VPS9D1: variants seen among roughly 807,000 people sequenced by gnomAD.
VPS9D1 encodes the protein VPS9 domain-containing protein 1.
VPS9D1 carries 78 observed loss-of-function variants against 75.8 expected under a neutral mutation model. The observed-to-expected ratio is 1.03, with a 90% confidence interval of 0.86 to 1.24. The LOEUF (loss-of-function observed/expected upper bound fraction) is 1.24, where lower values mean the gene tolerates loss of function less well. Ranked by LOEUF, VPS9D1 falls within the 50% of genes most tolerant of loss-of-function variation. The pLI, the probability that VPS9D1 is intolerant of heterozygous loss-of-function variation, is 0.00. For missense variants in VPS9D1, 1,057 were observed against 847.7 expected (o/e 1.25, Z -3.07); for synonymous variants, 481 against 385.6 (o/e 1.25, Z -2.90).
rs1040678249 is a variant in VPS9D1 at position 89,719,482 on chromosome 16, C to T, written c.100-380G>A. 8 of 401,606 alleles carry T rather than the reference C, an allele frequency of 2.0e-5. No individual in the cohort carries two copies. The East Asian group carries it at 5.6e-4, about 28-fold the overall frequency. The allele number at this position is 401,606 out of a possible 1,614,324, so 24.9% of individuals were successfully genotyped here. ...CATTTTTCATTCTATGCAATGTTTC[C>T]TTCTTGTGCAACTCAAGGGTGATTC... On this transcript the variant is annotated intron_variant, in intron 1 of 14. Transcript: ENST00000389386.
Position 89,716,809 on chromosome 16 carries a change from A to T in VPS9D1, c.189T>A (p.Thr63=), listed in dbSNP as rs1354611469. ...GCATCTTGGAGGTGTCGGGGGGCAC[A>T]GTTTCCCCAGCTTCTGGGGGAGGGA... is the stretch of plus-strand genomic sequence containing the variant. The part of the protein sequence containing the change: ...EVETTKEAGE[T]VPPDTSKMLK... The change falls in exon 3 of 15, where the codon ACT becomes ACA. Residue 63 remains threonine (T), a synonymous_variant. Coordinates refer to ENST00000389386, the MANE Select transcript of VPS9D1 (RefSeq NM_004913.3). The T allele has an allele frequency of 2.5e-6, 4 of 1,592,230 alleles. No homozygotes were observed. Among genetic ancestry groups the T allele is most frequent in the Non-Finnish European group, 2.6e-6 (3 of 1,174,108 alleles).
At chr16:89,717,533 T>C (rs750303390) in intron 2 of VPS9D1, 3 of 456,230 alleles carry the variant, frequency 6.6e-6, no homozygotes, top group Non-Finnish European at 1.3e-5. Flanking sequence ...GACTCGCCCC[T>C]GGACCCACCG....
chr16:89,718,082 T>G (rs1472615294), intron 2 of VPS9D1: 2 of 454,754 alleles, frequency 4.4e-6, no homozygotes, highest in South Asian at 3.1e-5. Context: ...GTGCTCTATG[T>G]CCAGTGGCTC....
chr16:89,720,705 CG>C, intron 1 of VPS9D1, 57 bp downstream of exon 1: 1 of 1,338,314 alleles, frequency 7.5e-7, no homozygotes, highest in Non-Finnish European at 9.6e-7. Flanking sequence ...CCTCCCCGGG[CG>C]GGGGTCCCTC....
Position 89,710,645 on chromosome 16 carries a change from T to A in VPS9D1, c.1199A>T (p.Gln400Leu). Residue 400 changes from glutamine (Q) to leucine (L), a missense_variant, in exon 10 of 15, where the codon CAG becomes CTG. Gln to Leu is a moderately radical substitution (Grantham distance 113). Transcript: ENST00000389386. ...SERQGRGRGV[Q>L]PEPQLQQLKT... ...CAGCTGCTGCAGCTGGGGCTCCGGC[T>A]GTACCCCACGGCCCCGGCCCTGCCG... 1 of 1,611,642 alleles carries A rather than the reference T, an allele frequency of 6.2e-7. No individual in the cohort carries two copies. Among genetic ancestry groups the A allele is most frequent in the Non-Finnish European group, 8.5e-7 (1 of 1,179,182 alleles).
chr16:89,718,714 C>G (rs1188611423), intron 2 of VPS9D1, among the ~76,000 whole-genome samples: 1 of 147,326 alleles, frequency 6.8e-6, no homozygotes, highest in Non-Finnish European at 1.5e-5. Flanking sequence ...TTTTCTTTTT[C>G]TTTTCTTTTT....
chr16:89,710,482 A>G, intron 10 of VPS9D1, 104 bp downstream of exon 10: 1 of 1,281,092 alleles, frequency 7.8e-7, no homozygotes, highest in African/African-American at 1.5e-5. Flanking sequence ...AAGTCTGATC[A>G]GAGTCTCTGA....
chr16:89,712,144 C>T (rs753445935), intron 6 of VPS9D1, 45 bp from the exon 7 acceptor site: 4 of 1,547,526 alleles, frequency 2.6e-6, no homozygotes, highest in African/African-American at 1.4e-5. Context: ...TGAGCGGGCC[C>T]TCGGTTCCCA....
chr16:89,718,233 A>C, intron 2 of VPS9D1: 1 of 377,452 alleles, frequency 2.6e-6, no homozygotes, highest in Non-Finnish European at 5.3e-6. Flanking sequence ...TTCCACCTTC[A>C]GGACGCACCC....
intron 1 of VPS9D1, chr16:89,720,477 C>CG: frequency 9.1e-7 from 1 of 1,101,388 alleles, no homozygotes; most frequent in Non-Finnish European, 1.1e-6. Context: ...GGTGGCCTGG[C>CG]GGACCCTCCT....
intron 13 of VPS9D1, 92 bp downstream of exon 13, chr16:89,708,765 A>G (rs2060847001): frequency 7.5e-7 from 1 of 1,330,698 alleles, no homozygotes; most frequent in Admixed American, 2.7e-5. Flanking sequence ...CAGCTGGCAC[A>G]AGGCTAAGGG....
chr16:89,710,930 C>G lies in VPS9D1; in HGVS notation c.914G>C (p.Arg305Thr). ...VYSALYPAVS[R>T]AAAPAPGCCP... ...GCAGCCTGGGGCTGGCGCGGCTGCTCTGCTCACGGCGGGATACAGGGCGCT... is the reference window on the plus strand; with the variant it reads ...GCAGCCTGGGGCTGGCGCGGCTGCTGTGCTCACGGCGGGATACAGGGCGCT... Residue 305 changes from arginine (R) to threonine (T), a missense_variant, in exon 10 of 15, where the codon AGA becomes ACA. Coordinates refer to ENST00000389386, the MANE Select transcript of VPS9D1 (RefSeq NM_004913.3). The G allele has an allele frequency of 4.0e-6, 6 of 1,483,446 alleles. No individual in the cohort carries two copies. Among genetic ancestry groups the G allele is most frequent in the Non-Finnish European group, 4.5e-6 (5 of 1,122,386 alleles). The allele number at this position is 1,483,446 out of a possible 1,614,324, so 91.9% of individuals were successfully genotyped here.
At chr16:89,716,440 C>T in intron 4 of VPS9D1, 22 bp downstream of exon 4, 1 of 1,613,582 alleles carries the variant, frequency 6.2e-7, no homozygotes, top group South Asian at 1.1e-5. Flanking sequence ...GCTCATCCCA[C>T]CTCCCATCTT....
intron 4 of VPS9D1, among the ~76,000 whole-genome samples, chr16:89,714,471 C>T (rs1163942554): frequency 1.2e-4 from 19 of 152,200 alleles, no homozygotes; most frequent in South Asian, 6.2e-4. Context: ...GCTTTGTTCC[C>T]TCGTACCTTC....
chr16:89,707,811 G>T lies in VPS9D1; in HGVS notation c.*50C>A. ...CATGGCTCCAGGTGTAGGAGAGACAGCCCTGGGAGGCGAGGCCAGGCCCTG... is the reference window on the plus strand; with the variant it reads ...CATGGCTCCAGGTGTAGGAGAGACATCCCTGGGAGGCGAGGCCAGGCCCTG... On this transcript the variant is annotated 3_prime_UTR_variant, in exon 15 of 15. Transcript: ENST00000389386. 2 of 1,550,902 alleles carry T rather than the reference G, an allele frequency of 1.3e-6. No homozygotes were observed. Among genetic ancestry groups the T allele is most frequent in the Non-Finnish European group, 1.8e-6 (2 of 1,125,102 alleles).
At chr16:89,720,314 T>A (rs1193134953) in intron 1 of VPS9D1, 1 of 800,814 alleles carries the variant, frequency 1.2e-6, no homozygotes, top group Admixed American at 6.2e-5. Flanking sequence ...CGGCCTGCTT[T>A]TCCTTCCTAA....
chr16:89,718,796 C>T (rs914723533), intron 2 of VPS9D1, among the ~76,000 whole-genome samples: 2 of 151,572 alleles, frequency 1.3e-5, no homozygotes, highest in African/African-American at 2.4e-5. Context: ...CTCACTGCAA[C>T]CTCTGCTCCC....
intron 1 of VPS9D1, 38 bp from the exon 2 acceptor site, chr16:89,719,140 T>A: frequency 6.3e-7 from 1 of 1,591,438 alleles, no homozygotes; most frequent in Non-Finnish European, 8.6e-7. Flanking sequence ...GTCAGGCCAG[T>A]GGAGGGAAGT....
rs1216850312 is a variant in VPS9D1, at chr16:89,710,846, C to A, written c.998G>T (p.Cys333Phe). 6.6e-7 allele frequency: 1 copy of A among 1,521,010 alleles called. No homozygotes were observed. Among genetic ancestry groups the A allele is most frequent in the Admixed American group, 2.0e-5 (1 of 48,904 alleles). 94.2% of individuals were successfully genotyped at this position (1,521,010 alleles called of 1,614,324 possible). Residue 333 changes from cysteine (C) to phenylalanine (F), a missense_variant, in exon 10 of 15, where the codon TGC becomes TTC. Physicochemically the swap from Cys to Phe is radical, Grantham distance 205 (BLOSUM62 -2). Transcript: ENST00000389386. ...RRLRPSQSLH[C>F]MLSPPEPSAA... ...GCTGGGCTCGGGCGGGGACAGCATG[C>A]AATGGAGGCTCTGCGAGGGCCGCAG...
Sources: allele counts gnomAD v4.1 joint callset (sites outside exome capture counted in the v4.1 genomes callset), GRCh38; gene constraint gnomAD v4.1.1; transcripts MANE v1.5; gene names NCBI Gene and HGNC (gene_info 2026-07-23, HGNC 2026-07-21).